The following NEBL variants were observed in gnomAD, a reference collection of about 807,000 sequenced individuals.
NEBL encodes the protein nebulette.
NEBL carries 122 observed loss-of-function variants against 140.2 expected under a neutral mutation model. The ratio of observed to expected loss-of-function variants is 0.87; its 90% CI spans 0.75 to 1.01. The LOEUF (loss-of-function observed/expected upper bound fraction) is 1.01, where lower values mean the gene tolerates loss of function less well. Ranked by LOEUF, NEBL falls within the 50% of genes least tolerant of loss-of-function variation. The pLI is 0.00. For synonymous variants in NEBL, 436 were observed against 398.9 expected (o/e 1.09, Z -1.11); for missense variants, 1,365 against 1,231.3 (o/e 1.11, Z -1.62).
chr10:20,867,437 A>G lies in NEBL; in HGVS notation c.684+1227T>C, dbSNP rs144824535. ...TTGAGAAATGAGTATTTTCAAAGTCAAAAAAACTATAAATGTGTAAAACTT... is the reference window on the plus strand; with the variant it reads ...TTGAGAAATGAGTATTTTCAAAGTCGAAAAAACTATAAATGTGTAAAACTT... On this transcript the variant is annotated intron_variant, in intron 7 of 27. Coordinates refer to ENST00000377122, the MANE Select transcript of NEBL (RefSeq NM_006393.3). Among the ~76,000 whole-genome samples, 249 of 152,256 alleles carry G rather than the reference A, an allele frequency of 1.6e-3. 2 individuals carry two copies. The highest frequency in any genetic ancestry group is 5.6e-3 in the African/African-American group (233 of 41,568).
chr10:21,041,388 C>T (rs1363702385), intron 2 of NEBL, among the ~76,000 whole-genome samples: 3 of 152,160 alleles, frequency 2.0e-5, no homozygotes, highest in Admixed American at 2.0e-4. Context: ...TTCAATACTG[C>T]CACAGCACTG....
At chr10:20,907,269 A>T (rs1588990769) in intron 4 of NEBL, among the ~76,000 whole-genome samples, 2 of 152,274 alleles carry the variant, frequency 1.3e-5, no homozygotes, top group East Asian at 3.9e-4. Context: ...GTGGAAATGT[A>T]TTTTATTAAG....
intron 2 of NEBL, among the ~76,000 whole-genome samples, chr10:21,033,497 T>C (rs1000043024): frequency 1.3e-5 from 2 of 152,090 alleles, no homozygotes; most frequent in African/African-American, 4.8e-5. Context: ...ATCACAAATA[T>C]TAAAACTTAA....
chr10:20,880,629 T>A (rs1401610738), intron 5 of NEBL, among the ~76,000 whole-genome samples, 165 bp downstream of exon 5: 1 of 152,230 alleles, frequency 6.6e-6, no homozygotes, highest in Non-Finnish European at 1.5e-5. Context: ...AAGGTGTTAA[T>A]GACTGTGGAT....
chr10:21,116,156 C>A (rs1185352769), intron 2 of NEBL, among the ~76,000 whole-genome samples: 1 of 151,382 alleles, frequency 6.6e-6, no homozygotes, highest in African/African-American at 2.4e-5. Context: ...TACAATAGTT[C>A]TTTTAATGTC....
intron 2 of NEBL, chr10:21,029,725 G>C: frequency 1.2e-6 from 1 of 863,668 alleles, no homozygotes; most frequent in South Asian, 1.4e-5. Flanking sequence ...TGAGTATCGG[G>C]ATGGCCCATG....
chr10:20,886,321 A>C (rs1264677130), intron 4 of NEBL, among the ~76,000 whole-genome samples: 3 of 152,054 alleles, frequency 2.0e-5, no homozygotes, highest in African/African-American at 7.2e-5. Flanking sequence ...TCAGGAGTTC[A>C]AGACCAGCCT....
intron 4 of NEBL, among the ~76,000 whole-genome samples, chr10:20,957,070 C>T (rs1835840702): frequency 6.6e-6 from 1 of 152,154 alleles, no homozygotes; most frequent in Non-Finnish European, 1.5e-5. Context: ...GAGACCAAAT[C>T]CCTAGATAAT....
chr10:20,956,601 A>G (rs1047383083), intron 4 of NEBL, among the ~76,000 whole-genome samples: 2 of 152,184 alleles, frequency 1.3e-5, no homozygotes, highest in Admixed American at 1.3e-4. Context: ...TAAAAATAAC[A>G]TTCATTCTCC....
chr10:20,934,431 A>G (rs1834368241), intron 4 of NEBL, among the ~76,000 whole-genome samples: 1 of 152,176 alleles, frequency 6.6e-6, no homozygotes, highest in Non-Finnish European at 1.5e-5. Flanking sequence ...TCCTTGCCAC[A>G]CCACTCCACA....
chr10:21,103,363 G>A (rs1275245140), intron 2 of NEBL, among the ~76,000 whole-genome samples: 2 of 151,902 alleles, frequency 1.3e-5, no homozygotes, highest in East Asian at 1.9e-4. Context: ...ACAGGCACCC[G>A]CCACCATGCC....
chr10:20,994,926 A>T (rs574242663), intron 3 of NEBL, among the ~76,000 whole-genome samples: 1 of 151,964 alleles, frequency 6.6e-6, no homozygotes, highest in Non-Finnish European at 1.5e-5. Flanking sequence ...GCAGAGAGGG[A>T]AGAAAATCCA....
At chr10:20,962,005 G>T (rs1373590951) in intron 3 of NEBL, among the ~76,000 whole-genome samples, 1 of 152,164 alleles carries the variant, frequency 6.6e-6, no homozygotes, top group Non-Finnish European at 1.5e-5. Flanking sequence ...ACCACTCTGT[G>T]CTCAGTGGTG....
At chr10:21,085,711 T>C (rs1039297918) in intron 2 of NEBL, among the ~76,000 whole-genome samples, 1 of 152,180 alleles carries the variant, frequency 6.6e-6, no homozygotes, top group Non-Finnish European at 1.5e-5. Flanking sequence ...AAAGCAATTT[T>C]CTACATAAAT....
chr10:20,924,540 C>T (rs1012707513), intron 4 of NEBL, among the ~76,000 whole-genome samples: 4 of 145,286 alleles, frequency 2.8e-5, no homozygotes, highest in Admixed American at 7.0e-5. Context: ...AAAAAAAAAT[C>T]CCAGCAGGTA....
intron 16 of NEBL, among the ~76,000 whole-genome samples, chr10:20,829,477 C>A (rs1191757566): frequency 2.6e-5 from 4 of 151,510 alleles, no homozygotes; most frequent in Non-Finnish European, 5.9e-5. Context: ...AGGAGATATA[C>A]CTAATGCTAG....
At chr10:21,072,892 G>A (rs1018432578) in intron 2 of NEBL, among the ~76,000 whole-genome samples, 6 of 152,226 alleles carry the variant, frequency 3.9e-5, no homozygotes, top group African/African-American at 1.4e-4. Flanking sequence ...TTGGGAGGCT[G>A]AGGCATGAGA....
chr10:20,991,824 G>A (rs1263304503), intron 3 of NEBL, among the ~76,000 whole-genome samples: 1 of 123,202 alleles, frequency 8.1e-6, no homozygotes, highest in Non-Finnish European at 1.6e-5. Flanking sequence ...GTGTCCATAT[G>A]TACTCAGCAT....
intron 3 of NEBL, among the ~76,000 whole-genome samples, chr10:20,993,991 A>G (rs966790769): frequency 1.3e-5 from 2 of 152,174 alleles, no homozygotes; most frequent in African/African-American, 2.4e-5. Flanking sequence ...CACAATGTCA[A>G]ATTAAACCAC....
Sources: gnomAD v4.1 joint callset for allele counts (sites outside exome capture counted in the v4.1 genomes callset) on GRCh38, gnomAD v4.1.1 for gene constraint, MANE v1.5 for transcripts, NCBI Gene and HGNC (gene_info 2026-07-23, HGNC 2026-07-21) for gene names.